The following GABRA5 variants were observed in gnomAD, a reference collection of about 807,000 sequenced individuals.
GABRA5 encodes the protein gamma-aminobutyric acid type A receptor subunit alpha5, also known as gamma-aminobutyric acid receptor subunit alpha-5.
Under a neutral mutation model 47.3 loss-of-function variants are expected in GABRA5, and 18 were observed. The observed-to-expected ratio is 0.38, with a 90% CI of 0.26 to 0.56. The LOEUF is 0.56. Among genes scored for constraint, GABRA5 ranks in the 20% least tolerant of loss-of-function variants. The pLI, the probability that GABRA5 is intolerant of heterozygous loss-of-function variation, is 0.71. For synonymous variants in GABRA5, 237 were observed against 229.3 expected (o/e 1.03, Z -0.30); for missense variants, 365 against 599.3 (o/e 0.61, Z 4.08).
Position 26,930,016 on chromosome 15 carries a change from T to TTTTTTTTTG in GABRA5, c.581-7163_581-7162insTTGTTTTTT, listed in dbSNP as rs566636317. On this transcript the variant is annotated intron_variant, in intron 7 of 10. Coordinates refer to ENST00000335625, the MANE Select transcript of GABRA5 (RefSeq NM_000810.4). Reference sequence around the variant, plus strand: ...CTTCTTCTTCTTCTTCTTTTTTTTTTTTTTTTGTTTTTTGTTTTTTGAGAT... The same window carrying TTTTTTTTTG: ...CTTCTTCTTCTTCTTCTTTTTTTTTTTTTTTTTTGTTTTTTGTTTTTTGTTTTTTGAGAT... Among the ~76,000 whole-genome samples the TTTTTTTTTG allele has an allele frequency of 9.6e-3, 1,230 of 128,206 alleles. 6 individuals carry two copies. Among genetic ancestry groups the TTTTTTTTTG allele is most frequent in the African/African-American group, 0.034 (1,178 of 34,274 alleles). The allele number at this position is 128,206 out of a possible 152,430, so 84.1% of individuals were successfully genotyped here.
At chr15:26,931,872 A>G (rs961992310) in intron 7 of GABRA5, among the ~76,000 whole-genome samples, 1 of 152,200 alleles carries the variant, frequency 6.6e-6, no homozygotes, top group African/African-American at 2.4e-5. Flanking sequence ...CCACTCAAAC[A>G]GGAAGGGTCT....
intron 6 of GABRA5, among the ~76,000 whole-genome samples, chr15:26,885,342 TG>T: frequency 6.8e-6 from 1 of 146,662 alleles, no homozygotes; most frequent in African/African-American, 2.5e-5. Flanking sequence ...GCAAGAGATG[TG>T]GGGGGCGTGA....
At chr15:26,908,260 C>A (rs1307154109) in intron 6 of GABRA5, among the ~76,000 whole-genome samples, 1 of 152,064 alleles carries the variant, frequency 6.6e-6, no homozygotes. Flanking sequence ...CCAAGACGCC[C>A]CACTCATAGC....
chr15:26,905,484 A>G (rs1204812057), intron 6 of GABRA5, among the ~76,000 whole-genome samples: 9 of 152,036 alleles, frequency 5.9e-5, no homozygotes, highest in Non-Finnish European at 1.0e-4. Flanking sequence ...TCTTAAATTT[A>G]TACTACTGGA....
At chr15:26,925,193 T>C (rs2140303497) in intron 7 of GABRA5, among the ~76,000 whole-genome samples, 1 of 152,194 alleles carries the variant, frequency 6.6e-6, no homozygotes, top group African/African-American at 2.4e-5. Flanking sequence ...ATTTTGACCA[T>C]TATTTCTTCT....
chr15:26,921,829 C>T (rs1408610339), intron 7 of GABRA5, among the ~76,000 whole-genome samples: 1 of 151,996 alleles, frequency 6.6e-6, no homozygotes, highest in African/African-American at 2.4e-5. Context: ...CTAAATTTCC[C>T]TTAAGACTTT....
At chr15:26,947,118 G>A (rs1402787088) in intron 10 of GABRA5, among the ~76,000 whole-genome samples, 3 of 152,136 alleles carry the variant, frequency 2.0e-5, no homozygotes, top group South Asian at 4.1e-4. Flanking sequence ...ATTCCCTCCC[G>A]CTGGTGCACT....
At chr15:26,873,666 A>G (rs1400054182) in intron 3 of GABRA5, among the ~76,000 whole-genome samples, 4 of 152,204 alleles carry the variant, frequency 2.6e-5, no homozygotes, top group South Asian at 2.1e-4. Flanking sequence ...GCAGGTACTC[A>G]TGATATCTTT....
chr15:26,914,969 A>G (rs1258458782), intron 7 of GABRA5, 84 bp downstream of exon 7: 15 of 1,060,332 alleles, frequency 1.4e-5, no homozygotes, highest in East Asian at 1.2e-4. Flanking sequence ...TAGGTTCTGC[A>G]TATACATAAG....
intron 7 of GABRA5, among the ~76,000 whole-genome samples, chr15:26,936,261 C>T (rs1019427892): frequency 3.9e-5 from 6 of 152,166 alleles, no homozygotes; most frequent in African/African-American, 7.2e-5. Context: ...TTCATAGCAG[C>T]GTGAGAACGG....
intron 7 of GABRA5, among the ~76,000 whole-genome samples, chr15:26,932,373 G>A (rs560941598): frequency 5.3e-4 from 81 of 152,246 alleles, no homozygotes; most frequent in East Asian, 5.8e-4. Context: ...AAAGCTCAAC[G>A]TCACTGATCA....
intron 6 of GABRA5, among the ~76,000 whole-genome samples, chr15:26,909,591 C>T (rs1893530588): frequency 1.3e-5 from 2 of 152,198 alleles, no homozygotes; most frequent in African/African-American, 4.8e-5. Flanking sequence ...TTTCTTGCCT[C>T]TTCCGGTTTC....
chr15:26,934,680 G>A (rs1014171720), intron 7 of GABRA5, among the ~76,000 whole-genome samples: 51 of 152,146 alleles, frequency 3.4e-4, no homozygotes, highest in Non-Finnish European at 4.1e-4. Context: ...CTACAGATGG[G>A]GAAATTGAGG....
At chr15:26,927,817 C>A (rs1353325873) in intron 7 of GABRA5, among the ~76,000 whole-genome samples, 3 of 152,192 alleles carry the variant, frequency 2.0e-5, no homozygotes, top group Non-Finnish European at 2.9e-5. Flanking sequence ...CAAAGGAATG[C>A]AATATGTGTC....
intron 7 of GABRA5, among the ~76,000 whole-genome samples, chr15:26,934,248 T>TAAAAAAAAAAAAAAAA (rs776194243): frequency 3.5e-5 from 4 of 112,962 alleles, no homozygotes; most frequent in Non-Finnish European, 3.6e-5. Flanking sequence ...AGAGAATGTT[T>TAAAAAAAAAAAAAAAA]AAAAAAAAAA....
At chr15:26,898,728 CTCT>C (rs1893256923) in intron 6 of GABRA5, among the ~76,000 whole-genome samples, 1 of 123,442 alleles carries the variant, frequency 8.1e-6, no homozygotes, top group Non-Finnish European at 1.7e-5. Context: ...GCTTAGCGTG[CTCT>C]TTTTTTTTTT....
chr15:26,927,430 A>T (rs1016481684), intron 7 of GABRA5, among the ~76,000 whole-genome samples: 8 of 152,110 alleles, frequency 5.3e-5, no homozygotes, highest in Non-Finnish European at 7.4e-5. Context: ...TGCTATTGAG[A>T]TTGATATGAT....
chr15:26,910,241 T>C (rs970677986), intron 6 of GABRA5, among the ~76,000 whole-genome samples: 2 of 152,094 alleles, frequency 1.3e-5, no homozygotes, highest in African/African-American at 4.8e-5. Flanking sequence ...AGCTCTTTCT[T>C]GAGTTTAGGA....
At chr15:26,925,114 T>G (rs2140303412) in intron 7 of GABRA5, among the ~76,000 whole-genome samples, 1 of 152,268 alleles carries the variant, frequency 6.6e-6, no homozygotes, top group South Asian at 2.1e-4. Context: ...TTGTTTTCAT[T>G]TTAATTTATA....
Sources: allele counts gnomAD v4.1 joint callset (sites outside exome capture counted in the v4.1 genomes callset), GRCh38; gene constraint gnomAD v4.1.1; transcripts MANE v1.5; gene names NCBI Gene and HGNC (gene_info 2026-07-23, HGNC 2026-07-21).